Variants in SEPTIN9 observed in about 807,000 individuals in gnomAD.
SEPTIN9 encodes septin 9, also known as septin-9.
In SEPTIN9, 13 loss-of-function variants were observed where a neutral mutation model predicts 56.6. The ratio of observed to expected loss-of-function variants is 0.23; its 90% CI spans 0.15 to 0.37. SEPTIN9 has a LOEUF of 0.37. Ranked by LOEUF, SEPTIN9 falls within the 10% of genes least tolerant of loss-of-function variation. The pLI, the probability that SEPTIN9 is intolerant of heterozygous loss-of-function variation, is 1.00. For synonymous variants in SEPTIN9, 332 were observed against 334.1 expected (o/e 0.99, Z 0.07); for missense variants, 650 against 823.1 (o/e 0.79, Z 2.57).
At chr17:77,353,697 G>C (rs556785073) in intron 2 of SEPTIN9, among the ~76,000 whole-genome samples, 4 of 152,302 alleles carry the variant, frequency 2.6e-5, no homozygotes, top group African/African-American at 9.6e-5. Context: ...ATGAGAGCAG[G>C]CTCCATTCTT....
chr17:77,439,816 G>C (rs1598378056), intron 3 of SEPTIN9, among the ~76,000 whole-genome samples: 1 of 152,232 alleles, frequency 6.6e-6, no homozygotes, highest in East Asian at 1.9e-4. Flanking sequence ...CCGCTGCCTG[G>C]GGCGCCTCCT....
chr17:77,435,499 G>A lies in SEPTIN9; in HGVS notation c.721+32796G>A, dbSNP rs1204292108. On this transcript the variant is annotated intron_variant, in intron 3 of 11. Transcript: ENST00000427177. This position sits in a 1 kb window ranked among gnomAD's most constrained non-coding sequence, Gnocchi z 4.5. ...GTAGAGCAACCATGCCGGGCGGGTC[G>A]TCGTGCCCCAGTGCCGCCTGCCCTA... Among the ~76,000 whole-genome samples the A allele has an allele frequency of 3.9e-5, 6 of 152,296 alleles. 1 individual carries two copies. In the South Asian group the frequency reaches 6.2e-4, roughly 16 times the overall value.
At chr17:77,285,645 C>T (rs891422328) in intron 1 of SEPTIN9, among the ~76,000 whole-genome samples, 3 of 151,800 alleles carry the variant, frequency 2.0e-5, no homozygotes, top group Non-Finnish European at 2.9e-5. Context: ...GTGATCCACC[C>T]GCCTCAGCCT....
At chr17:77,484,968 A>T (rs1458707196) in intron 4 of SEPTIN9, among the ~76,000 whole-genome samples, 3 of 20,146 alleles carry the variant, frequency 1.5e-4, no homozygotes, top group Non-Finnish European at 2.0e-4. Context: ...GTGGTGGTGA[A>T]GGGGGTGATG....
chr17:77,281,576 G>GGGA, intron 1 of SEPTIN9, 22 bp downstream of exon 1: 5 of 1,535,662 alleles, frequency 3.3e-6, no homozygotes, highest in Non-Finnish European at 2.6e-6. Context: ...GCCCGGGGTG[G>GGGA]GGAGGGGTCG....
At chr17:77,410,337 G>A (rs2034294054) in intron 3 of SEPTIN9, among the ~76,000 whole-genome samples, 1 of 152,190 alleles carries the variant, frequency 6.6e-6, no homozygotes, top group Admixed American at 6.5e-5. Context: ...GAGGGGGAAA[G>A]TGATTTGTCC....
chr17:77,301,393 TTTG>T (rs1299241233), intron 1 of SEPTIN9, among the ~76,000 whole-genome samples: 2 of 84,964 alleles, frequency 2.4e-5, no homozygotes, highest in Non-Finnish European at 4.7e-5. Context: ...TGGGAATAGA[TTTG>T]TGTGTGTGTG....
intron 3 of SEPTIN9, among the ~76,000 whole-genome samples, chr17:77,426,730 G>A (rs2036927911): frequency 1.3e-5 from 2 of 152,208 alleles, no homozygotes; most frequent in South Asian, 2.1e-4. Context: ...ATGCCTGTGG[G>A]TGGCTTTCTA....
chr17:77,471,278 T>C (rs312815), intron 3 of SEPTIN9, among the ~76,000 whole-genome samples: 22,127 of 152,156 alleles, frequency 0.15, 4,280 homozygotes, highest in African/African-American at 0.44. Context: ...GCCTGTCCCC[T>C]ACCCCCAAGC....
intron 10 of SEPTIN9, among the ~76,000 whole-genome samples, chr17:77,494,281 C>T (rs1398146115): frequency 6.6e-6 from 1 of 152,264 alleles, no homozygotes; most frequent in African/African-American, 2.4e-5. Flanking sequence ...TCAACCCACT[C>T]CTGGCGGTGA....
At chr17:77,320,106 G>A in intron 2 of SEPTIN9, 1 of 1,450,788 alleles carries the variant, frequency 6.9e-7, no homozygotes, top group South Asian at 1.4e-5. Flanking sequence ...TGCTACTTCA[G>A]TTTGGAGCAC....
At chr17:77,284,495 T>C (rs2031184518) in intron 1 of SEPTIN9, among the ~76,000 whole-genome samples, 1 of 152,230 alleles carries the variant, frequency 6.6e-6, no homozygotes, top group Non-Finnish European at 1.5e-5. Flanking sequence ...GTGGTTACAC[T>C]TGGGGGCTCA....
intron 2 of SEPTIN9, among the ~76,000 whole-genome samples, chr17:77,309,432 C>T (rs535225477): frequency 6.6e-6 from 1 of 152,342 alleles, no homozygotes; most frequent in Non-Finnish European, 1.5e-5. Context: ...TGGCTTCTTT[C>T]TTTCTCCCTG....
intron 2 of SEPTIN9, among the ~76,000 whole-genome samples, chr17:77,398,451 C>T (rs980158312): frequency 5.9e-5 from 9 of 151,982 alleles, no homozygotes; most frequent in Non-Finnish European, 1.5e-5. Flanking sequence ...GAGGCCAGCT[C>T]CCCGGGAAGG....
In SEPTIN9 at chr17:77,436,720, G is replaced by A. The variant is rs764423392; in HGVS notation, c.721+34017G>A. Reference sequence around the variant, plus strand: ...GCTGCGGCGGAGGTGGGCAAAAGCCGCTTCCGGGCAGCCAGCCCCCATCCT... The same window carrying A: ...GCTGCGGCGGAGGTGGGCAAAAGCCACTTCCGGGCAGCCAGCCCCCATCCT... On this transcript the variant is annotated intron_variant, in intron 3 of 11. Transcript: ENST00000427177. This position sits in a 1 kb window ranked among gnomAD's most constrained non-coding sequence, Gnocchi z 4.4. 5.4e-4 allele frequency among the ~76,000 whole-genome samples: 82 copies of A among 152,374 alleles called. 1 individual carries two copies. The highest frequency in any genetic ancestry group is 1.3e-4 in the Non-Finnish European group (9 of 68,034).
intron 2 of SEPTIN9, among the ~76,000 whole-genome samples, chr17:77,312,111 G>C (rs960678905): frequency 5.9e-5 from 9 of 152,106 alleles, no homozygotes; most frequent in African/African-American, 2.2e-4. Flanking sequence ...GTCATGTCTT[G>C]GTTGGGCCTC....
intron 2 of SEPTIN9, among the ~76,000 whole-genome samples, chr17:77,372,790 T>C (rs1423710854): frequency 6.6e-6 from 1 of 151,586 alleles, no homozygotes; most frequent in African/African-American, 2.4e-5. Context: ...GGCCTCTCGC[T>C]GGTGCCATGG....
At chr17:77,393,550 C>T (rs1057455704) in intron 2 of SEPTIN9, among the ~76,000 whole-genome samples, 4 of 152,100 alleles carry the variant, frequency 2.6e-5, no homozygotes, top group Non-Finnish European at 2.9e-5. Flanking sequence ...ACCCCTGCCG[C>T]GTGCCATGCC....
chr17:77,372,911 G>A (rs1290167433), intron 2 of SEPTIN9, among the ~76,000 whole-genome samples: 2 of 152,212 alleles, frequency 1.3e-5, no homozygotes, highest in African/African-American at 4.8e-5. Flanking sequence ...GCGCGCGGCG[G>A]CGGTGACAGA....
Sources: allele counts gnomAD v4.1 joint callset (sites outside exome capture counted in the v4.1 genomes callset), GRCh38; gene constraint gnomAD v4.1.1; non-coding constraint Gnocchi (gnomAD v3.1); transcripts MANE v1.5; gene names NCBI Gene and HGNC (gene_info 2026-07-23, HGNC 2026-07-21).